The following GNAI2 variants were observed in gnomAD, a reference collection of about 807,000 sequenced individuals.
GNAI2 encodes the protein G protein subunit alpha i2, also known as guanine nucleotide-binding protein G(i) subunit alpha-2.
In GNAI2, 4 loss-of-function variants were observed where a neutral mutation model predicts 36.8. The ratio of observed to expected loss-of-function variants is 0.11; its 90% CI spans 0.05 to 0.25. The LOEUF is 0.25. Ranked by LOEUF, GNAI2 falls within the 10% of genes least tolerant of loss-of-function variation. GNAI2 has a pLI of 1.00. For synonymous variants in GNAI2, 194 were observed against 194.1 expected (o/e 1.00, Z 0.01); for missense variants, 230 against 481.3 (o/e 0.48, Z 4.89).
rs1017909271 is a variant in GNAI2 at position 50,259,212 on chromosome 3, C to T, written c.*869C>T. On this transcript the variant is annotated 3_prime_UTR_variant, in exon 9 of 9. Coordinates refer to ENST00000313601, the MANE Select transcript of GNAI2 (RefSeq NM_002070.4). ...TCCCTAGCGCTAACCTAGGAACCGC[C>T]GCTGCCTGCTGGGGGGCCACGCCCC... 5 of 215,084 alleles carry T rather than the reference C, an allele frequency of 2.3e-5. No individual in the cohort carries two copies. The highest frequency in any genetic ancestry group is 5.7e-5 in the South Asian group (1 of 17,400). The allele number at this position is 215,084 out of a possible 1,614,324, so 13.3% of individuals were successfully genotyped here.
Position 50,257,086 on chromosome 3 carries a change from C to T in GNAI2, c.873C>T (p.Tyr291=). The part of the protein sequence containing the change: ...HSPLTICFPE[Y]TGANKYDEAA... ...CCCTGACCATCTGCTTCCCTGAGTA[C>T]ACAGGTGTGGGGACTGTGGGGATAG... Residue 291 remains tyrosine, a synonymous_variant, in exon 7 of 9, where the codon TAC becomes TAT. Transcript: ENST00000313601. The T allele has an allele frequency of 6.2e-7, 1 of 1,613,672 alleles. No individual in the cohort carries two copies. The highest frequency in any genetic ancestry group is 1.3e-5 in the African/African-American group (1 of 75,042).
chr3:50,240,827 G>A (rs1553700960), intron 1 of GNAI2, among the ~76,000 whole-genome samples: 5 of 150,858 alleles, frequency 3.3e-5, no homozygotes, highest in African/African-American at 4.9e-5. Context: ...GCTGAGGCAC[G>A]AGAATCGCTT....
upstream of GNAI2, among the ~76,000 whole-genome samples, chr3:50,234,836 G>T (rs1700132067): frequency 6.6e-6 from 1 of 152,162 alleles, no homozygotes; most frequent in Non-Finnish European, 1.5e-5. Context: ...TCCAATCGAG[G>T]GTGGGGCTCT....
intron 1 of GNAI2, among the ~76,000 whole-genome samples, chr3:50,239,332 T>G (rs1187224013): frequency 6.6e-6 from 1 of 152,216 alleles, no homozygotes; most frequent in Non-Finnish European, 1.5e-5. Flanking sequence ...ACTTGATTGT[T>G]CTTTAAAACT....
chr3:50,240,397 G>T (rs1553700875), intron 1 of GNAI2, among the ~76,000 whole-genome samples: 1 of 152,180 alleles, frequency 6.6e-6, no homozygotes, highest in African/African-American at 2.4e-5. Context: ...GCTTGGGTGG[G>T]TGTTTCCTGG....
At position 50,253,011 on chromosome 3, in the gene GNAI2, C is replaced by T. The variant is rs782425761; in HGVS notation, c.304-13C>T. ...ATTCCTTCAACTGCCTGACCACCCGCCACTGTGCCCAGGACGACGCCAGGC... is the reference window on the plus strand; with the variant it reads ...ATTCCTTCAACTGCCTGACCACCCGTCACTGTGCCCAGGACGACGCCAGGC... On this transcript the variant is annotated splice_polypyrimidine_tract_variant and intron_variant, in intron 3 of 8. Coordinates refer to ENST00000313601, the MANE Select transcript of GNAI2 (RefSeq NM_002070.4). This position sits in a 1 kb window ranked among gnomAD's most constrained non-coding sequence, Gnocchi z 4.2. 13 of 1,572,122 alleles carry T rather than the reference C, an allele frequency of 8.3e-6. No homozygotes were observed. In the East Asian group the frequency reaches 3.0e-4, roughly 36 times the overall value.
upstream of GNAI2, among the ~76,000 whole-genome samples, chr3:50,232,201 G>C (rs1575434323): frequency 6.6e-6 from 1 of 151,976 alleles, no homozygotes; most frequent in East Asian, 1.9e-4. Flanking sequence ...GTGGTGGCAG[G>C]CGCCTGTAAT....
At position 50,252,026 on chromosome 3, in the gene GNAI2, T is replaced by C. The variant is rs369180623; in HGVS notation, c.119-74T>C. The stretch of plus-strand genomic sequence containing the variant: ...TTAGTTCTGCCTCCTGGGCTACAGG[T>C]GTCTGGGCATTTGTTCTGTGCCTGT... On this transcript the variant is annotated intron_variant, in intron 1 of 8. Transcript: ENST00000313601. This position sits in a 1 kb window ranked among gnomAD's most constrained non-coding sequence, Gnocchi z 4.1. 2.9e-5 allele frequency: 41 copies of C among 1,414,932 alleles called. No homozygotes were observed. The highest frequency in any genetic ancestry group is 4.1e-5 in the Non-Finnish European group (41 of 1,004,376). 87.6% of individuals were successfully genotyped at this position (1,414,932 alleles called of 1,614,324 possible).
upstream of GNAI2, chr3:50,229,887 G>T (rs866413359): frequency 6.6e-6 from 1 of 152,292 alleles, no homozygotes; most frequent in Non-Finnish European, 1.5e-5. Flanking sequence ...TTACCATAGG[G>T]TTCTCAGCAC....
At chr3:50,249,655 GCTAT>G (rs1700508170) in intron 1 of GNAI2, among the ~76,000 whole-genome samples, 1 of 152,204 alleles carries the variant, frequency 6.6e-6, no homozygotes, top group African/African-American at 2.4e-5. Context: ...AACCATCACT[GCTAT>G]CTAATTCCAG....
At chr3:50,232,926 G>T (rs1464009225), upstream of GNAI2, among the ~76,000 whole-genome samples, 1 of 151,908 alleles carries the variant, frequency 6.6e-6, no homozygotes, top group Non-Finnish European at 1.5e-5. Flanking sequence ...GGGAACAGGG[G>T]CCAGTGGGAT....
At chr3:50,247,137 C>T in intron 1 of GNAI2, 4 of 702,806 alleles carry the variant, frequency 5.7e-6, no homozygotes, top group South Asian at 1.5e-5. Flanking sequence ...TACCTGAATG[C>T]TCACATGTGC....
chr3:50,247,589 G>T (rs782123050), intron 1 of GNAI2, among the ~76,000 whole-genome samples: 1 of 152,188 alleles, frequency 6.6e-6, no homozygotes, highest in Admixed American at 6.5e-5. Flanking sequence ...CAGGTGGAGT[G>T]GTACTGTCTC....
upstream of GNAI2, chr3:50,230,630 G>A (rs1559761311): frequency 5.9e-6 from 1 of 170,908 alleles, no homozygotes; most frequent in Non-Finnish European, 1.2e-5. Context: ...CTCAGGCCAA[G>A]CTGGACCTGC....
At chr3:50,249,082 C>T (rs1700485637) in intron 1 of GNAI2, among the ~76,000 whole-genome samples, 2 of 152,186 alleles carry the variant, frequency 1.3e-5, no homozygotes, top group Admixed American at 1.3e-4. Context: ...GGGCAGGAGT[C>T]CCGAAGTCAC....
upstream of GNAI2, among the ~76,000 whole-genome samples, chr3:50,227,883 A>G (rs751001371): frequency 6.6e-6 from 1 of 152,224 alleles, no homozygotes; most frequent in Non-Finnish European, 1.5e-5. The surrounding 1 kb of genome is among the most constrained non-coding windows in gnomAD (Gnocchi z 5.9). Context: ...TGGGGAGCCC[A>G]CCGCTGGCCA....
upstream of GNAI2, among the ~76,000 whole-genome samples, chr3:50,233,892 C>CT (rs11313623): frequency 5.8e-3 from 639 of 110,186 alleles, 3 homozygotes; most frequent in South Asian, 0.013. Flanking sequence ...TAACAAGGTT[C>CT]TTTTTTTTTT....
At position 50,242,949 on chromosome 3, in the gene GNAI2, T is replaced by C. The variant is rs1700328444; in HGVS notation, c.118+6496T>C. 6.6e-6 allele frequency among the ~76,000 whole-genome samples: 1 copy of C among 151,960 alleles called. No individual in the cohort carries two copies. Among genetic ancestry groups the C allele is most frequent in the Non-Finnish European group, 1.5e-5 (1 of 67,992 alleles). On this transcript the variant is annotated intron_variant, in intron 1 of 8. Coordinates refer to ENST00000313601, the MANE Select transcript of GNAI2 (RefSeq NM_002070.4). This position sits in a 1 kb window ranked among gnomAD's most constrained non-coding sequence, Gnocchi z 4.8. ...AGGAGGTAATGAAGTCTGCACGACA[T>C]GGCAGGGCAGGGCTGGGCCTCTCGG...
chr3:50,233,791 A>T (rs587639388), upstream of GNAI2, among the ~76,000 whole-genome samples: 1 of 151,582 alleles, frequency 6.6e-6, no homozygotes, highest in Admixed American at 6.6e-5. Flanking sequence ...CAGGCCAATG[A>T]CCCCTCAACA....
Sources: allele counts gnomAD v4.1 joint callset (sites outside exome capture counted in the v4.1 genomes callset), GRCh38; gene constraint gnomAD v4.1.1; non-coding constraint Gnocchi (gnomAD v3.1); transcripts MANE v1.5; gene names NCBI Gene and HGNC (gene_info 2026-07-23, HGNC 2026-07-21).